ARHGAP22: variants seen among roughly 807,000 people sequenced by gnomAD.
ARHGAP22 encodes rho GTPase-activating protein 22.
Under a neutral mutation model 59.1 loss-of-function variants are expected in ARHGAP22, and 48 were observed. The observed-to-expected ratio is 0.81, with a 90% confidence interval of 0.64 to 1.03. The LOEUF is 1.03. Ranked by LOEUF, ARHGAP22 falls within the 50% of genes least tolerant of loss-of-function variation. The pLI, the probability that ARHGAP22 is intolerant of heterozygous loss-of-function variation, is 0.00. For missense variants in ARHGAP22, 1,015 were observed against 958.7 expected (o/e 1.06, Z -0.78); for synonymous variants, 445 against 416.4 (o/e 1.07, Z -0.84).
chr10:48,499,044 G>T (rs541534931), intron 3 of ARHGAP22, among the ~76,000 whole-genome samples: 1 of 152,272 alleles, frequency 6.6e-6, no homozygotes, highest in Non-Finnish European at 1.5e-5. Context: ...TCGCTTGGTG[G>T]TCATCTTGCA....
At chr10:48,464,151 A>T (rs1254243210) in intron 4 of ARHGAP22, among the ~76,000 whole-genome samples, 1 of 152,160 alleles carries the variant, frequency 6.6e-6, no homozygotes, top group African/African-American at 2.4e-5. Flanking sequence ...GGCTGTAAAC[A>T]TATAAATCTC....
At chr10:48,540,634 G>A (rs1000813395) in intron 3 of ARHGAP22, among the ~76,000 whole-genome samples, 1 of 152,070 alleles carries the variant, frequency 6.6e-6, no homozygotes, top group Non-Finnish European at 1.5e-5. Context: ...AATATTGCAT[G>A]AGCCAAACAA....
chr10:48,450,364 T>TG lies in ARHGAP22; in HGVS notation c.1764dup (p.Thr589HisfsTer17), dbSNP rs1219172532. On this transcript the variant is annotated frameshift_variant, in exon 9 of 10. Transcript: ENST00000249601. LOFTEE classifies it high-confidence loss of function. The stretch of plus-strand genomic sequence containing the variant: ...TCGGAGCGGCGCGCGTGTTCCCGGG[T>TG]GGGGCTGTCCGGCTCGCTGGGCTCG... 1 of 1,586,558 alleles carries TG rather than the reference T, an allele frequency of 6.3e-7. No homozygotes were observed. Among genetic ancestry groups the TG allele is most frequent in the African/African-American group, 1.3e-5 (1 of 74,252 alleles).
At chr10:48,597,597 A>G (rs1037026275) in intron 1 of ARHGAP22, among the ~76,000 whole-genome samples, 1 of 152,102 alleles carries the variant, frequency 6.6e-6, no homozygotes, top group Non-Finnish European at 1.5e-5. Flanking sequence ...GAGAGCAGTT[A>G]AGTGCTGAGT....
intron 3 of ARHGAP22, among the ~76,000 whole-genome samples, chr10:48,507,873 G>A (rs951772451): frequency 4.3e-5 from 6 of 139,884 alleles, no homozygotes; most frequent in Non-Finnish European, 9.3e-5. Flanking sequence ...TAATTACACC[G>A]TGAGCAACTG....
intron 8 of ARHGAP22, chr10:48,451,382 A>G (rs1383066393): frequency 5.6e-6 from 4 of 714,714 alleles, no homozygotes; most frequent in Non-Finnish European, 1.0e-5. Context: ...GCAGGGAGGA[A>G]GCACTGTGCC....
At chr10:48,627,295 G>A (rs929483428) in intron 1 of ARHGAP22, among the ~76,000 whole-genome samples, 2 of 152,240 alleles carry the variant, frequency 1.3e-5, no homozygotes, top group South Asian at 2.1e-4. Context: ...GCATAGCCAA[G>A]TAGGACGGAG....
At chr10:48,550,625 T>A (rs1326776054) in intron 3 of ARHGAP22, among the ~76,000 whole-genome samples, 3 of 152,184 alleles carry the variant, frequency 2.0e-5, no homozygotes, top group African/African-American at 7.2e-5. Context: ...GGCGAAACCA[T>A]GAAATAGGAA....
intron 4 of ARHGAP22, among the ~76,000 whole-genome samples, chr10:48,474,339 GT>G (rs1219693243): frequency 6.6e-6 from 1 of 152,076 alleles, no homozygotes; most frequent in South Asian, 2.1e-4. Flanking sequence ...AATTCTAATA[GT>G]TTTTTTGTAC....
intron 3 of ARHGAP22, among the ~76,000 whole-genome samples, chr10:48,550,435 G>A (rs952027194): frequency 5.3e-5 from 8 of 152,336 alleles, no homozygotes; most frequent in African/African-American, 1.9e-4. Context: ...CTGGAAAGAG[G>A]TGGACTCCAT....
intron 3 of ARHGAP22, among the ~76,000 whole-genome samples, chr10:48,555,098 A>G: frequency 6.6e-6 from 1 of 152,198 alleles, no homozygotes; most frequent in East Asian, 1.9e-4. Flanking sequence ...TGGAATTTAT[A>G]ATCATCCTTA....
chr10:48,600,023 A>G (rs2060290613), intron 1 of ARHGAP22, among the ~76,000 whole-genome samples: 1 of 152,164 alleles, frequency 6.6e-6, no homozygotes, highest in Non-Finnish European at 1.5e-5. Context: ...CTTGTGTTTA[A>G]GCTGCTTCTG....
At chr10:48,480,850 C>T (rs1309652660) in intron 3 of ARHGAP22, among the ~76,000 whole-genome samples, 2 of 152,250 alleles carry the variant, frequency 1.3e-5, no homozygotes, top group South Asian at 2.1e-4. Flanking sequence ...ATTCAAGTCC[C>T]GACTCTGGGC....
At chr10:48,537,209 G>A (rs1436715540) in intron 3 of ARHGAP22, among the ~76,000 whole-genome samples, 1 of 152,252 alleles carries the variant, frequency 6.6e-6, no homozygotes, top group African/African-American at 2.4e-5. Context: ...CGGGGTGGCT[G>A]GTCTTGCAGC....
At chr10:48,497,641 G>A (rs2051076905) in intron 3 of ARHGAP22, among the ~76,000 whole-genome samples, 1 of 152,144 alleles carries the variant, frequency 6.6e-6, no homozygotes, top group African/African-American at 2.4e-5. Context: ...GAAAGAAGAG[G>A]CAGGGCACTA....
chr10:48,478,499 C>G (rs2048956202), intron 4 of ARHGAP22, among the ~76,000 whole-genome samples: 1 of 152,146 alleles, frequency 6.6e-6, no homozygotes, highest in Admixed American at 6.5e-5. Context: ...CCCAGAGCCC[C>G]AAAAGGTGAG....
At chr10:48,491,882 G>A (rs565937787) in intron 3 of ARHGAP22, among the ~76,000 whole-genome samples, 53 of 152,366 alleles carry the variant, frequency 3.5e-4, no homozygotes, top group African/African-American at 1.2e-3. Flanking sequence ...ACCCCGGGAA[G>A]TCTGGCTCCT....
intron 1 of ARHGAP22, among the ~76,000 whole-genome samples, chr10:48,599,938 T>C (rs2060285459): frequency 6.6e-6 from 1 of 152,222 alleles, no homozygotes; most frequent in Non-Finnish European, 1.5e-5. Context: ...GCATGAGCTG[T>C]TCAGTGACAC....
At chr10:48,468,306 T>C (rs1248385440) in intron 4 of ARHGAP22, among the ~76,000 whole-genome samples, 8 of 152,178 alleles carry the variant, frequency 5.3e-5, no homozygotes, top group Non-Finnish European at 1.0e-4. Context: ...GTAGGTGTGA[T>C]GAGGGCTGGA....
Sources: allele counts gnomAD v4.1 joint callset (sites outside exome capture counted in the v4.1 genomes callset), GRCh38; gene constraint gnomAD v4.1.1; transcripts MANE v1.5; gene names NCBI Gene and HGNC (gene_info 2026-07-23, HGNC 2026-07-21).